Variants in FGFR3 observed in about 807,000 individuals in gnomAD.
The protein encoded by FGFR3 is fibroblast growth factor receptor 3.
A neutral mutation model predicts 82.9 loss-of-function variants in FGFR3; 25 were observed. That is an observed-to-expected ratio of 0.30 (90% confidence interval 0.22 to 0.42). The LOEUF is 0.42. FGFR3 is among the 10% of genes least tolerant of loss of function. FGFR3 has a pLI of 1.00. For missense variants in FGFR3, 1,026 were observed against 1,161.0 expected (o/e 0.88, Z 1.69); for synonymous variants, 620 against 516.0 (o/e 1.20, Z -2.73).
chr4:1,797,683 G>A (rs927979405), intron 2 of FGFR3, among the ~76,000 whole-genome samples: 1 of 152,230 alleles, frequency 6.6e-6, no homozygotes. Flanking sequence ...CACTGGCCAG[G>A]ACCGGAGGGC....
At chr4:1,803,063 A>C in intron 7 of FGFR3, 1 of 1,577,136 alleles carries the variant, frequency 6.3e-7, no homozygotes, top group Non-Finnish European at 8.6e-7. Flanking sequence ...GGCCCCGAGC[A>C]GGTAACGACT....
intron 15 of FGFR3, 70 bp from the exon 16 acceptor site, chr4:1,806,476 T>A (rs965138952): frequency 1.1e-5 from 17 of 1,611,036 alleles, no homozygotes; most frequent in Non-Finnish European, 1.4e-5. Context: ...CCCTGGCCTA[T>A]TCCCCTGGTG....
In FGFR3 at chr4:1,808,514, T is replaced by C. The variant is rs1413205197; in HGVS notation, c.*1252T>C. On this transcript the variant is annotated 3_prime_UTR_variant, in exon 18 of 18. Transcript: ENST00000440486. ...GGCCGGCCCTGTGTGCAGGTTCCGA[T>C]GTTATTAGATGTTACAAGTTTATAT... 3 of 230,594 alleles carry C rather than the reference T, an allele frequency of 1.3e-5. No individual in the cohort carries two copies. Among genetic ancestry groups the C allele is most frequent in the South Asian group, 3.6e-4 (2 of 5,502 alleles). 14.3% of individuals were successfully genotyped at this position (230,594 alleles called of 1,614,324 possible).
At chr4:1,799,860 C>G in intron 4 of FGFR3, 48 bp downstream of exon 4, 1 of 1,594,364 alleles carries the variant, frequency 6.3e-7, no homozygotes, top group Non-Finnish European at 8.6e-7. Flanking sequence ...GGGCCCGCTG[C>G]CACCGCCAAG....
chr4:1,804,738 C>T (rs1577286165), intron 9 of FGFR3, 86 bp from the exon 10 acceptor site: 4 of 1,512,876 alleles, frequency 2.6e-6, no homozygotes, highest in East Asian at 2.5e-5. Flanking sequence ...AGAACGCCCC[C>T]CCTTCTGGCC....
In FGFR3 at chr4:1,804,914, A is replaced by T; in HGVS notation, c.1357A>T (p.Asn453Tyr). 6.5e-7 allele frequency: 1 copy of T among 1,549,682 alleles called. No individual in the cohort carries two copies. Among genetic ancestry groups the T allele is most frequent in the South Asian group, 1.2e-5 (1 of 84,018 alleles). The change falls in exon 10 of 18, where the codon AAT (asparagine) becomes TAT (tyrosine). Residue 453 changes from asparagine (N) to tyrosine (Y), a missense_variant. Coordinates refer to ENST00000440486, the MANE Select transcript of FGFR3 (RefSeq NM_000142.5). ...CTCAGGGGAGGGCCCCACGCTGGCC[A>T]ATGTCTCCGAGCTCGAGCTGCCTGC... ...LSSGEGPTLA[N>Y]VSELELPADP...
At position 1,799,749 on chromosome 4, in the gene FGFR3, G is replaced by A. The variant is rs200300532; in HGVS notation, c.382G>A (p.Ala128Thr). 9.9e-6 allele frequency: 16 copies of A among 1,612,956 alleles called. No homozygotes were observed. Among genetic ancestry groups the A allele is most frequent in the South Asian group, 3.3e-5 (3 of 91,058 alleles). Residue 128 changes from alanine to threonine, a missense_variant and splice_region_variant, in exon 4 of 18, where the codon GCT becomes ACT. By Grantham distance (58) the Ala-to-Thr change is moderately conservative. Transcript: ENST00000440486. ...TTGCGGCCATCTCTGCCTTGCAGAC[G>A]CTCCATCCTCGGGAGATGACGAAGA... is the stretch of plus-strand genomic sequence containing the variant. ...LCHFSVRVTDAPSSGDDEDGE... is the reference protein window; with the variant it reads ...LCHFSVRVTDTPSSGDDEDGE...
rs2108806647 is a variant in FGFR3, at chr4:1,806,086, G to A, written c.1872G>A (p.Leu624=). The A allele has an allele frequency of 6.2e-7, 1 of 1,613,654 alleles. No individual in the cohort carries two copies. The change falls in exon 14 of 18, where the codon CTG becomes CTA. Residue 624 remains leucine (L), a synonymous_variant. Transcript: ENST00000440486. ...IHRDLAARNV[L]VTEDNVMKIA... ...GGGACCTGGCTGCCCGCAATGTGCT[G>A]GTGACCGAGGACAACGTGATGAAGA...
rs2108752148 is a variant in FGFR3 at position 1,793,992 on chromosome 4, G to C, written c.58G>C (p.Ala20Pro). 1 of 1,387,124 alleles carries C rather than the reference G, an allele frequency of 7.2e-7. No individual in the cohort carries two copies. Among genetic ancestry groups the C allele is most frequent in the Non-Finnish European group, 9.4e-7 (1 of 1,058,324 alleles). The allele number at this position is 1,387,124 out of a possible 1,614,324, so 85.9% of individuals were successfully genotyped here. ...CGTGGCCGTGGCCATCGTGGCCGGC[G>C]CCTCCTCGGAGTCCTTGGGGACGGA... ...LCVAVAIVAG[A>P]SSESLGTEQR... The change falls in exon 2 of 18, where the codon GCC becomes CCC. Residue 20 changes from alanine (A) to proline (P), a missense_variant. By Grantham distance (27) the Ala-to-Pro change is conservative (BLOSUM62 -1). Transcript: ENST00000440486.
intron 2 of FGFR3, among the ~76,000 whole-genome samples, chr4:1,796,470 T>G (rs1720527947): frequency 6.6e-6 from 1 of 152,088 alleles, no homozygotes; most frequent in South Asian, 2.1e-4. Context: ...TGCAGAGAAC[T>G]TCATGTGCAT....
At chr4:1,799,964 G>GATA in intron 4 of FGFR3, 152 bp downstream of exon 4, 1 of 839,646 alleles carries the variant, frequency 1.2e-6, no homozygotes, top group South Asian at 1.8e-5. Flanking sequence ...TACAGGAGGG[G>GATA]CTGGGTCACT....
chr4:1,795,187 GGGA>G (rs1426632039), intron 2 of FGFR3, among the ~76,000 whole-genome samples: 8 of 152,256 alleles, frequency 5.3e-5, no homozygotes, highest in Admixed American at 5.2e-4. Context: ...AGGGGCCGTC[GGGA>G]GGTCAGCGCG....
chr4:1,800,659 G>A (rs1019254092), intron 4 of FGFR3, among the ~76,000 whole-genome samples: 5 of 152,158 alleles, frequency 3.3e-5, no homozygotes, highest in East Asian at 1.9e-4. Context: ...CCTGATGGGC[G>A]TGTGCCTGGA....
At chr4:1,806,012 G>T in intron 13 of FGFR3, 39 bp from the exon 14 acceptor site, 1 of 1,612,736 alleles carries the variant, frequency 6.2e-7, no homozygotes, top group South Asian at 1.1e-5. Flanking sequence ...GCGGGGAGAG[G>T]TGGAGAGGCT....
At chr4:1,797,392 G>A (rs3135857) in intron 2 of FGFR3, among the ~76,000 whole-genome samples, 1,978 of 152,300 alleles carry the variant, frequency 0.013, 27 homozygotes, top group Non-Finnish European at 0.018. Flanking sequence ...GCAGGCAGTG[G>A]GGGGGGCAGT....
Position 1,794,053 on chromosome 4 carries a change from G to A in FGFR3, c.109+10G>A, listed in dbSNP as rs1720166684. On this transcript the variant is annotated intron_variant, in intron 2 of 17. Coordinates refer to ENST00000440486, the MANE Select transcript of FGFR3 (RefSeq NM_000142.5). ...GTGGGGCGAGCGGCAGGTAAGAAGG[G>A]ACCCACTAGGCACGGGAGAGGCCGG... is the stretch of plus-strand genomic sequence containing the variant. 2.2e-6 allele frequency: 3 copies of A among 1,376,270 alleles called. No homozygotes were observed. The highest frequency in any genetic ancestry group is 1.9e-6 in the Non-Finnish European group (2 of 1,048,084). The allele number at this position is 1,376,270 out of a possible 1,614,324, so 85.3% of individuals were successfully genotyped here. A position where few individuals can be genotyped will look rare whatever the true frequency, so the allele number is the denominator to read the frequency against.
chr4:1,796,568 G>A (rs1720542418), intron 2 of FGFR3, among the ~76,000 whole-genome samples: 1 of 152,172 alleles, frequency 6.6e-6, no homozygotes, highest in Non-Finnish European at 1.5e-5. Flanking sequence ...AGCTCCGGAA[G>A]CGAGTCTGGA....
In FGFR3 at chr4:1,807,225, C is replaced by A. The variant is rs1440189215; in HGVS notation, c.2384C>A (p.Pro795His). Residue 795 changes from proline to histidine, a missense_variant, in exon 18 of 18, where the codon CCC becomes CAC. Physicochemically the swap from Pro to His is moderately conservative, Grantham distance 77. Transcript: ENST00000440486. ...TCCGTGTTTGCCCACGACCTGCTGC[C>A]CCCGGCCCCACCCAGCAGTGGGGGC... ...DDSVFAHDLL[P>H]PAPPSSGGSR... 6.2e-7 allele frequency: 1 copy of A among 1,608,320 alleles called. No individual in the cohort carries two copies. The highest frequency in any genetic ancestry group is 8.5e-7 in the Non-Finnish European group (1 of 1,178,402).
rs576428377 is a variant in FGFR3, at chr4:1,804,443, C to T, written c.1189C>T (p.Arg397Cys). The part of the protein sequence containing the change: ...ILVVAAVTLC[R>C]LRSPPKKGLG... ...GGTGGTGGCGGCTGTGACGCTCTGCCGCCTGCGCAGCCCCCCCAAGAAAGG... is the reference window on the plus strand; with the variant it reads ...GGTGGTGGCGGCTGTGACGCTCTGCTGCCTGCGCAGCCCCCCCAAGAAAGG... Residue 397 changes from arginine (R) to cysteine (C), a missense_variant, in exon 9 of 18, where the codon CGC (arginine) becomes TGC (cysteine). Around this residue, in one of 9 missense-constraint regions of FGFR3, gnomAD observed 256 missense variants for 217.6 expected, o/e 1.18. Coordinates refer to ENST00000440486, the MANE Select transcript of FGFR3 (RefSeq NM_000142.5). The T allele has an allele frequency of 2.2e-5, 35 of 1,612,668 alleles. No individual in the cohort carries two copies. Among genetic ancestry groups the T allele is most frequent in the Admixed American group, 8.3e-5 (5 of 59,926 alleles).
Sources: allele counts gnomAD v4.1 joint callset (sites outside exome capture counted in the v4.1 genomes callset), GRCh38; gene constraint gnomAD v4.1.1; regional missense constraint gnomAD v4.1.1; transcripts MANE v1.5; gene names NCBI Gene and HGNC (gene_info 2026-07-23, HGNC 2026-07-21).